The following RBFOX1 variants were observed in gnomAD, a reference collection of about 807,000 sequenced individuals.
RBFOX1 encodes RNA binding fox-1 homolog 1.
In RBFOX1, 8 loss-of-function variants were observed where a neutral mutation model predicts 57.7. The ratio of observed to expected loss-of-function variants is 0.14; its 90% CI spans 0.08 to 0.25. The LOEUF (loss-of-function observed/expected upper bound fraction) is 0.25, where lower values mean the gene tolerates loss of function less well. Ranked by LOEUF, RBFOX1 falls within the 10% of genes least tolerant of loss-of-function variation. RBFOX1 has a pLI of 1.00. For missense variants in RBFOX1, 611 were observed against 548.5 expected (o/e 1.11, Z -1.14); for synonymous variants, 326 against 222.4 (o/e 1.47, Z -4.15).
intron 3 of RBFOX1, among the ~76,000 whole-genome samples, chr16:6,659,849 C>G (rs1227008359): frequency 6.6e-6 from 1 of 152,112 alleles, no homozygotes; most frequent in Non-Finnish European, 1.5e-5. Context: ...AACTGGAGTG[C>G]TGACCTCAGT....
intron 12 of RBFOX1, among the ~76,000 whole-genome samples, chr16:7,656,963 C>T (rs924107122): frequency 1.3e-5 from 2 of 152,180 alleles, no homozygotes; most frequent in Non-Finnish European, 2.9e-5. Flanking sequence ...CCTCCACCCA[C>T]ACCCCCAGCA....
chr16:7,482,558 T>TTTC (rs1555503187), intron 4 of RBFOX1, among the ~76,000 whole-genome samples: 69 of 146,834 alleles, frequency 4.7e-4, no homozygotes, highest in African/African-American at 1.8e-3. Flanking sequence ...TTTTTTTTTT[T>TTTC]TTTTTTTTTT....
chr16:6,522,926 C>T (rs757801939), intron 2 of RBFOX1, among the ~76,000 whole-genome samples: 10 of 152,092 alleles, frequency 6.6e-5, no homozygotes, highest in Non-Finnish European at 1.2e-4. Context: ...TCGGGGACTT[C>T]GCTTTACTCC....
At chr16:6,852,083 G>T (rs551883256) in intron 3 of RBFOX1, among the ~76,000 whole-genome samples, 2 of 151,876 alleles carry the variant, frequency 1.3e-5, no homozygotes, top group South Asian at 2.1e-4. Flanking sequence ...CTGCCACCAC[G>T]TAACTACCAC....
At chr16:6,011,087 A>G (rs1255106893) in intron 4 of RBFOX1, among the ~76,000 whole-genome samples, 1 of 152,206 alleles carries the variant, frequency 6.6e-6, no homozygotes, top group East Asian at 1.9e-4. Flanking sequence ...TAATAAAAAG[A>G]CTAGGACTTA....
intron 3 of RBFOX1, among the ~76,000 whole-genome samples, chr16:6,697,818 A>G (rs1446135777): frequency 6.6e-6 from 1 of 152,202 alleles, no homozygotes; most frequent in Non-Finnish European, 1.5e-5. Flanking sequence ...ATATCTCTAC[A>G]TGGCCCACCT....
At chr16:5,842,511 G>A (rs2056650785) in intron 3 of RBFOX1, among the ~76,000 whole-genome samples, 2 of 152,154 alleles carry the variant, frequency 1.3e-5, no homozygotes, top group Admixed American at 6.5e-5. Context: ...CAGTCCCTAA[G>A]TGCATGCTGC....
chr16:6,533,914 C>T lies in RBFOX1; in HGVS notation c.-63-120689C>T, dbSNP rs561557251. Reference sequence around the variant, plus strand: ...TTAAAAACTTTGTCCCATAAAAAGACATTAAGAGAATGAAAAGTCAAGCTG... The same window carrying T: ...TTAAAAACTTTGTCCCATAAAAAGATATTAAGAGAATGAAAAGTCAAGCTG... On this transcript the variant is annotated intron_variant, in intron 2 of 15. Coordinates refer to ENST00000550418, the MANE Select transcript of RBFOX1 (RefSeq NM_018723.4). 8.6e-5 allele frequency among the ~76,000 whole-genome samples: 13 copies of T among 152,014 alleles called. No homozygotes were observed. The South Asian group carries it at 2.7e-3, about 32-fold the overall frequency.
chr16:6,527,002 A>G (rs1015097010), intron 2 of RBFOX1, among the ~76,000 whole-genome samples: 3 of 152,062 alleles, frequency 2.0e-5, no homozygotes, highest in Non-Finnish European at 2.9e-5. Flanking sequence ...CAAATCTGGA[A>G]ATCCAACTTA....
chr16:7,172,007 CAGAG>C (rs1391785888), intron 4 of RBFOX1, among the ~76,000 whole-genome samples: 9 of 152,258 alleles, frequency 5.9e-5, no homozygotes, highest in Non-Finnish European at 1.3e-4. Flanking sequence ...CCTACATTCA[CAGAG>C]AGGCTGATTT....
intron 1 of RBFOX1, among the ~76,000 whole-genome samples, chr16:6,212,635 A>T (rs531433924): frequency 9.6e-4 from 146 of 152,256 alleles, no homozygotes; most frequent in Admixed American, 1.9e-3. Context: ...TGAACCCGGG[A>T]GGTGGAGCTT....
At chr16:7,396,242 C>T (rs147836423) in intron 4 of RBFOX1, among the ~76,000 whole-genome samples, 1 of 152,284 alleles carries the variant, frequency 6.6e-6, no homozygotes, top group Non-Finnish European at 1.5e-5. Context: ...GTACAACTGT[C>T]TACCTGTCTA....
At chr16:5,253,495 C>G (rs1055465341) in intron 1 of RBFOX1, among the ~76,000 whole-genome samples, 1 of 152,142 alleles carries the variant, frequency 6.6e-6, no homozygotes, top group African/African-American at 2.4e-5. Flanking sequence ...CTTCAAGCAT[C>G]TAGGACTCTG....
chr16:6,231,376 C>T (rs974522617), intron 1 of RBFOX1, among the ~76,000 whole-genome samples: 2 of 152,102 alleles, frequency 1.3e-5, no homozygotes, highest in African/African-American at 2.4e-5. Flanking sequence ...TCTAGCTCTT[C>T]TCATTTTCTT....
chr16:5,666,393 C>T (rs1045422369), intron 3 of RBFOX1, among the ~76,000 whole-genome samples: 3 of 152,182 alleles, frequency 2.0e-5, no homozygotes, highest in African/African-American at 7.2e-5. Context: ...GGGAAGATTA[C>T]GTGCTCCTTT....
intron 1 of RBFOX1, among the ~76,000 whole-genome samples, chr16:6,278,028 T>A (rs948340428): frequency 6.6e-6 from 1 of 152,124 alleles, no homozygotes; most frequent in African/African-American, 2.4e-5. Context: ...AAATGTGAAG[T>A]TCCCTTACTT....
chr16:7,130,615 C>T (rs1195641402), intron 4 of RBFOX1, among the ~76,000 whole-genome samples: 1 of 152,142 alleles, frequency 6.6e-6, no homozygotes, highest in Non-Finnish European at 1.5e-5. Context: ...GTAGGGTCTG[C>T]AGTGGTGATG....
At chr16:6,235,872 G>A (rs935271007) in intron 1 of RBFOX1, among the ~76,000 whole-genome samples, 2 of 152,056 alleles carry the variant, frequency 1.3e-5, no homozygotes, top group African/African-American at 4.8e-5. Context: ...GGTGAGAAAG[G>A]GGTGAGGGAT....
chr16:6,421,841 C>T (rs2093780902), intron 2 of RBFOX1, among the ~76,000 whole-genome samples: 2 of 147,998 alleles, frequency 1.4e-5, no homozygotes, highest in African/African-American at 5.3e-5. Flanking sequence ...AAAAGACCTC[C>T]CCCCTCCTCA....
Sources: allele counts gnomAD v4.1 joint callset (sites outside exome capture counted in the v4.1 genomes callset), GRCh38; gene constraint gnomAD v4.1.1; transcripts MANE v1.5; gene names NCBI Gene and HGNC (gene_info 2026-07-23, HGNC 2026-07-21).